Variants in JAKMIP2 observed in about 807,000 individuals in gnomAD.
The protein encoded by JAKMIP2 is janus kinase and microtubule interacting protein 2.
In JAKMIP2, 25 loss-of-function variants were observed where a neutral mutation model predicts 115.0. That is an observed-to-expected ratio of 0.22 (90% CI 0.16 to 0.30). The LOEUF (loss-of-function observed/expected upper bound fraction) is 0.30, where lower values mean the gene tolerates loss of function less well. Among genes scored for constraint, JAKMIP2 ranks in the 10% least tolerant of loss-of-function variants. JAKMIP2 has a pLI of 1.00. For missense variants in JAKMIP2, 642 were observed against 957.6 expected, an observed-to-expected ratio of 0.67 and a Z score of 4.35; for synonymous variants, 334 against 343.6, an observed-to-expected ratio of 0.97 and a Z score of 0.31.
At chr5:147,685,881 G>A (rs1191041788) in intron 1 of JAKMIP2, among the ~76,000 whole-genome samples, 1 of 152,058 alleles carries the variant, frequency 6.6e-6, no homozygotes, top group Non-Finnish European at 1.5e-5. Flanking sequence ...TTCTATAATT[G>A]TATAGCTTCT....
intron 2 of JAKMIP2, among the ~76,000 whole-genome samples, chr5:147,662,167 C>T (rs1488749944): frequency 6.6e-6 from 1 of 151,606 alleles, no homozygotes; most frequent in Non-Finnish European, 1.5e-5. Context: ...GTTTTACACA[C>T]ACACACACAC....
intron 3 of JAKMIP2, among the ~76,000 whole-genome samples, chr5:147,656,384 T>C (rs894272224): frequency 6.6e-6 from 1 of 152,220 alleles, no homozygotes; most frequent in Non-Finnish European, 1.5e-5. Context: ...ATTGGGTGCA[T>C]ATATTTTTAG....
chr5:147,773,014 C>A (rs1262338605), intron 1 of JAKMIP2, among the ~76,000 whole-genome samples: 1 of 152,072 alleles, frequency 6.6e-6, no homozygotes, highest in Non-Finnish European at 1.5e-5. Context: ...TTGTTCCTTT[C>A]ATACTTGCTA....
At chr5:147,659,944 C>G (rs940472313) in intron 3 of JAKMIP2, among the ~76,000 whole-genome samples, 2 of 152,096 alleles carry the variant, frequency 1.3e-5, no homozygotes, top group Admixed American at 1.3e-4. Context: ...AGAGATATCA[C>G]CCGAGGAACA....
intron 1 of JAKMIP2, among the ~76,000 whole-genome samples, chr5:147,674,871 C>T (rs1190726217): frequency 2.0e-5 from 3 of 152,140 alleles, no homozygotes; most frequent in Non-Finnish European, 2.9e-5. Flanking sequence ...AGGAAGGTAA[C>T]TGTCAGTATT....
At chr5:147,721,771 C>T (rs1178323066) in intron 1 of JAKMIP2, among the ~76,000 whole-genome samples, 1 of 152,148 alleles carries the variant, frequency 6.6e-6, no homozygotes, top group Non-Finnish European at 1.5e-5. Context: ...GTGAGATGAA[C>T]CCGGTACCTC....
chr5:147,597,207 G>T (rs147299688), intron 21 of JAKMIP2, among the ~76,000 whole-genome samples: 1 of 152,014 alleles, frequency 6.6e-6, no homozygotes, highest in Non-Finnish European at 1.5e-5. Context: ...TCTAAATGAC[G>T]AATATAATAG....
chr5:147,627,239 T>C (rs1458508174), intron 16 of JAKMIP2, among the ~76,000 whole-genome samples: 3 of 152,070 alleles, frequency 2.0e-5, no homozygotes, highest in African/African-American at 4.8e-5. Flanking sequence ...TGTGGGAACA[T>C]AGAGCAGGAA....
chr5:147,618,179 A>C lies in JAKMIP2; in HGVS notation c.2143-65T>G. 2.6e-6 allele frequency: 3 copies of C among 1,169,800 alleles called. No individual in the cohort carries two copies. The South Asian group carries it at 3.7e-5, about 14-fold the overall frequency. 72.5% of individuals were successfully genotyped at this position (1,169,800 alleles called of 1,614,324 possible). ...GCATTGATATCTGGTGTGGGAGTGT[A>C]TGCTATGTATGTATATGTATATGGC... On this transcript the variant is annotated intron_variant, in intron 18 of 21. Coordinates refer to ENST00000616793, the MANE Select transcript of JAKMIP2 (RefSeq NM_001270941.2).
chr5:147,644,217 AAGT>A lies in JAKMIP2; in HGVS notation c.1084-22_1084-20del. ...TTTCTCTCTGGATTGGAAAAGAAGA[AAGT>A]ACAGGTGGAGACTTTAAAAACCTCA... On this transcript the variant is annotated intron_variant, in intron 6 of 21. Coordinates refer to ENST00000616793, the MANE Select transcript of JAKMIP2 (RefSeq NM_001270941.2). 6.5e-7 allele frequency: 1 copy of A among 1,549,766 alleles called. No homozygotes were observed. Among genetic ancestry groups the A allele is most frequent in the Non-Finnish European group, 8.8e-7 (1 of 1,138,604 alleles).
At chr5:147,743,800 TTAA>T (rs1040421973) in intron 1 of JAKMIP2, among the ~76,000 whole-genome samples, 19 of 152,164 alleles carry the variant, frequency 1.2e-4, no homozygotes, top group African/African-American at 4.6e-4. Context: ...CCTTAACCTC[TTAA>T]TGATGTTCTT....
chr5:147,673,408 G>A (rs1038615657), intron 1 of JAKMIP2, among the ~76,000 whole-genome samples: 6 of 152,182 alleles, frequency 3.9e-5, no homozygotes, highest in African/African-American at 1.4e-4. Context: ...GGCAGCTGCT[G>A]CTCTCTTAAG....
intron 7 of JAKMIP2, among the ~76,000 whole-genome samples, chr5:147,642,337 G>A (rs1015594968): frequency 2.6e-5 from 4 of 152,108 alleles, no homozygotes; most frequent in African/African-American, 9.7e-5. Context: ...GAATCTCAAA[G>A]AATGCCTAGA....
At position 147,719,803 on chromosome 5, in the gene JAKMIP2, A is replaced by G. The variant is rs553513023; in HGVS notation, c.-148-47849T>C. On this transcript the variant is annotated intron_variant, in intron 1 of 21. Transcript: ENST00000616793. ...CTGATGGGTCTTGACTCTTTATCCA[A>G]TTTGCCAGTCTGTGTCTTTTAATTG... Among the ~76,000 whole-genome samples the G allele has an allele frequency of 1.2e-4, 18 of 151,834 alleles. No individual in the cohort carries two copies. The South Asian group carries it at 3.6e-3, about 30-fold the overall frequency.
chr5:147,623,241 A>G (rs1350551678), intron 17 of JAKMIP2, among the ~76,000 whole-genome samples: 1 of 126,512 alleles, frequency 7.9e-6, no homozygotes, highest in Non-Finnish European at 1.5e-5. Flanking sequence ...TTTTTTTTTG[A>G]TAAGAGTTAT....
chr5:147,745,515 C>A (rs771468966), intron 1 of JAKMIP2, among the ~76,000 whole-genome samples: 1 of 152,140 alleles, frequency 6.6e-6, no homozygotes, highest in Non-Finnish European at 1.5e-5. Flanking sequence ...GACAAAGATA[C>A]CCATCCTGCC....
intron 19 of JAKMIP2, among the ~76,000 whole-genome samples, chr5:147,617,630 A>G (rs1460097424): frequency 1.3e-5 from 2 of 152,232 alleles, no homozygotes; most frequent in Admixed American, 6.5e-5. Context: ...GCAGATAATC[A>G]GACACCATGA....
chr5:147,718,711 T>G (rs1215600621), intron 1 of JAKMIP2, among the ~76,000 whole-genome samples: 2 of 152,232 alleles, frequency 1.3e-5, no homozygotes, highest in African/African-American at 4.8e-5. Flanking sequence ...TAGCATTTTT[T>G]ATTGCGTCTA....
chr5:147,777,345 T>A (rs1053776895), intron 1 of JAKMIP2, among the ~76,000 whole-genome samples: 1 of 152,148 alleles, frequency 6.6e-6, no homozygotes, highest in South Asian at 2.1e-4. Flanking sequence ...GAAAAATGCA[T>A]GCGGAAATTT....
Sources: gnomAD v4.1 joint callset for allele counts (sites outside exome capture counted in the v4.1 genomes callset) on GRCh38, gnomAD v4.1.1 for gene constraint, MANE v1.5 for transcripts, NCBI Gene and HGNC (gene_info 2026-07-23, HGNC 2026-07-21) for gene names.